Variants in CWC27 observed in about 807,000 individuals in gnomAD.
CWC27 encodes CWC27 spliceosome associated cyclophilin.
In CWC27, 47 loss-of-function variants were observed where a neutral mutation model predicts 63.6. The observed-to-expected ratio is 0.74, with a 90% CI of 0.58 to 0.94. CWC27 has a LOEUF of 0.94. CWC27 is among the 40% of genes least tolerant of loss of function. CWC27 has a pLI of 0.00. For synonymous variants in CWC27, 175 were observed against 179.8 expected, an observed-to-expected ratio of 0.97 and a Z score of 0.22; for missense variants, 495 against 554.3, an observed-to-expected ratio of 0.89 and a Z score of 1.07.
intron 10 of CWC27, among the ~76,000 whole-genome samples, chr5:64,835,388 A>G (rs949219194): frequency 6.6e-6 from 1 of 151,846 alleles, no homozygotes; most frequent in African/African-American, 2.4e-5. Flanking sequence ...CCATAAAGCA[A>G]ATGTAATCCT....
intron 11 of CWC27, among the ~76,000 whole-genome samples, chr5:64,894,411 G>T (rs1210141018): frequency 6.6e-6 from 1 of 151,968 alleles, no homozygotes; most frequent in African/African-American, 2.4e-5. Context: ...GTTTTAATTG[G>T]TATTTATTAA....
chr5:64,813,878 A>G (rs1744954918), intron 10 of CWC27, among the ~76,000 whole-genome samples: 1 of 152,132 alleles, frequency 6.6e-6, no homozygotes, highest in Admixed American at 6.6e-5. Flanking sequence ...ACATGAAGTT[A>G]TGCAAGAGCC....
chr5:64,998,617 C>T (rs1312330809), intron 13 of CWC27, among the ~76,000 whole-genome samples: 1 of 152,030 alleles, frequency 6.6e-6, no homozygotes, highest in Non-Finnish European at 1.5e-5. Context: ...CCTTTCAAAA[C>T]TCCAAACTGA....
At chr5:64,926,909 CTTCAA>C (rs1419494691) in intron 11 of CWC27, among the ~76,000 whole-genome samples, 2 of 152,130 alleles carry the variant, frequency 1.3e-5, no homozygotes, top group Non-Finnish European at 2.9e-5. Flanking sequence ...GAAAATTAAA[CTTCAA>C]TTCAGTTTGT....
intron 10 of CWC27, among the ~76,000 whole-genome samples, chr5:64,832,901 T>C (rs1284539428): frequency 6.6e-6 from 1 of 151,756 alleles, no homozygotes; most frequent in African/African-American, 2.4e-5. Flanking sequence ...CCACAAACCA[T>C]ACTTATGAAC....
chr5:65,003,439 G>A (rs930787640), intron 13 of CWC27, among the ~76,000 whole-genome samples: 1 of 151,808 alleles, frequency 6.6e-6, no homozygotes, highest in Non-Finnish European at 1.5e-5. Context: ...ATGATCTTCT[G>A]TAGTGGTAAT....
At chr5:64,905,871 C>T (rs1331752892) in intron 11 of CWC27, among the ~76,000 whole-genome samples, 2 of 152,012 alleles carry the variant, frequency 1.3e-5, no homozygotes, top group African/African-American at 4.8e-5. Context: ...ATGTTCCCCG[C>T]CCTGTGTCCA....
intron 11 of CWC27, among the ~76,000 whole-genome samples, chr5:64,943,826 A>G (rs1748538314): frequency 6.6e-6 from 1 of 152,184 alleles, no homozygotes; most frequent in African/African-American, 2.4e-5. Flanking sequence ...CTTTCTTTTC[A>G]TAGGAAAGAA....
rs551941866 is a variant in CWC27, at chr5:64,916,247, T to C, written c.1042+30701T>C. 1.4e-4 allele frequency among the ~76,000 whole-genome samples: 21 copies of C among 152,316 alleles called. No homozygotes were observed. In the East Asian group the frequency reaches 3.1e-3, roughly 22 times the overall value. On this transcript the variant is annotated intron_variant, in intron 11 of 13. Transcript: ENST00000381070. ...TCCAAGATATAAAATCAAGAGAATG[T>C]TTTACTTTCTTTTGGTGGCAGGTAG...
chr5:64,937,063 G>A (rs1349323860), intron 11 of CWC27, among the ~76,000 whole-genome samples: 1 of 152,016 alleles, frequency 6.6e-6, no homozygotes, highest in Non-Finnish European at 1.5e-5. Flanking sequence ...TGGATTCATT[G>A]ATTTTTTGAA....
intron 13 of CWC27, among the ~76,000 whole-genome samples, chr5:65,002,432 T>A (rs1306473987): frequency 1.3e-5 from 2 of 152,176 alleles, no homozygotes; most frequent in Admixed American, 6.5e-5. Context: ...ATTATTGCTA[T>A]AAGCTTCCTT....
chr5:64,968,514 T>A (rs143773967), intron 11 of CWC27, among the ~76,000 whole-genome samples: 30 of 152,322 alleles, frequency 2.0e-4, no homozygotes, highest in Middle Eastern at 3.4e-3. Context: ...ATATCCATGC[T>A]ATGAAATACT....
chr5:64,783,551 G>A (rs1355324926), intron 3 of CWC27, among the ~76,000 whole-genome samples: 1 of 152,188 alleles, frequency 6.6e-6, no homozygotes, highest in Non-Finnish European at 1.5e-5. Flanking sequence ...TGAGAATAGG[G>A]AAATGACTTA....
chr5:64,917,897 G>A (rs1333001321), intron 11 of CWC27, among the ~76,000 whole-genome samples: 1 of 151,490 alleles, frequency 6.6e-6, no homozygotes, highest in African/African-American at 2.4e-5. Flanking sequence ...AAACTTCTCG[G>A]GCTCCATTAA....
chr5:64,911,615 G>T (rs1210340389), intron 11 of CWC27, among the ~76,000 whole-genome samples: 1 of 152,176 alleles, frequency 6.6e-6, no homozygotes, highest in Non-Finnish European at 1.5e-5. Context: ...AATTTAGAGG[G>T]TATAGTGGTG....
intron 11 of CWC27, among the ~76,000 whole-genome samples, chr5:64,930,438 A>G (rs1748214796): frequency 6.6e-6 from 1 of 152,178 alleles, no homozygotes; most frequent in South Asian, 2.1e-4. Context: ...ACCAATAAAA[A>G]AAATTTGAAC....
In CWC27 at chr5:64,939,897, G is replaced by A. The variant is rs186338974; in HGVS notation, c.1043-31806G>A. Among the ~76,000 whole-genome samples the A allele has an allele frequency of 5.3e-4, 80 of 152,242 alleles. 1 individual carries two copies. Among genetic ancestry groups the A allele is most frequent in the African/African-American group, 1.9e-3 (77 of 41,504 alleles). On this transcript the variant is annotated intron_variant, in intron 11 of 13. Transcript: ENST00000381070. ...GGGCTCCGCCCAGTACTAACTTCTG[G>A]TCGGCTTTGTTTACACTGTGAGGGG...
chr5:64,992,829 T>G (rs1309551), intron 13 of CWC27, among the ~76,000 whole-genome samples: 69,746 of 151,732 alleles, frequency 0.46, 16,291 homozygotes, highest in African/African-American at 0.53. Context: ...CACTGCACCC[T>G]GCCACTTTCT....
At chr5:64,866,243 G>C (rs574507492) in intron 10 of CWC27, among the ~76,000 whole-genome samples, 1 of 152,012 alleles carries the variant, frequency 6.6e-6, no homozygotes, top group Non-Finnish European at 1.5e-5. Flanking sequence ...CAAAGCTGGT[G>C]ATTTTTCTCC....
Sources: gnomAD v4.1 joint callset for allele counts (sites outside exome capture counted in the v4.1 genomes callset) on GRCh38, gnomAD v4.1.1 for gene constraint, MANE v1.5 for transcripts, NCBI Gene and HGNC (gene_info 2026-07-23, HGNC 2026-07-21) for gene names.